Variants in PLCL1 observed in about 807,000 individuals in gnomAD.
PLCL1 encodes inactive phospholipase C-like protein 1.
Under a neutral mutation model 84.4 loss-of-function variants are expected in PLCL1, and 41 were observed. The observed-to-expected ratio is 0.49, with a 90% CI of 0.38 to 0.63. PLCL1 has a LOEUF of 0.63. PLCL1 is among the 30% of genes least tolerant of loss of function. PLCL1 has a pLI of 0.00. For missense variants in PLCL1, 1,206 were observed against 1,367.8 expected (o/e 0.88, Z 1.87); for synonymous variants, 490 against 488.3 (o/e 1.00, Z -0.05).
intron 1 of PLCL1, among the ~76,000 whole-genome samples, chr2:197,806,612 A>T (rs1690490662): frequency 1.3e-5 from 2 of 152,236 alleles, no homozygotes; most frequent in Non-Finnish European, 2.9e-5. Flanking sequence ...CTTTTTGATT[A>T]TGTAACAGGA....
At chr2:198,015,696 A>G (rs1690979778) in intron 1 of PLCL1, among the ~76,000 whole-genome samples, 1 of 152,176 alleles carries the variant, frequency 6.6e-6, no homozygotes, top group Non-Finnish European at 1.5e-5. Flanking sequence ...ATGGATAAAA[A>G]TATACTTACA....
chr2:197,926,253 T>G (rs979914255), intron 1 of PLCL1, among the ~76,000 whole-genome samples: 2 of 152,140 alleles, frequency 1.3e-5, no homozygotes, highest in African/African-American at 4.8e-5. Flanking sequence ...GATTTTGTAG[T>G]AGAGACTCAG....
chr2:197,916,573 T>TATC (rs1260202042), intron 1 of PLCL1, among the ~76,000 whole-genome samples: 4 of 151,900 alleles, frequency 2.6e-5, no homozygotes, highest in South Asian at 4.2e-4. Flanking sequence ...ACTCAATATA[T>TATC]ATCATCATCA....
chr2:197,862,555 G>T (rs1009996478), intron 1 of PLCL1, among the ~76,000 whole-genome samples: 1 of 152,102 alleles, frequency 6.6e-6, no homozygotes, highest in Non-Finnish European at 1.5e-5. Context: ...GGCCTGAGGA[G>T]GTAATGAAGA....
In PLCL1 at chr2:198,044,802, T is replaced by G. The variant is rs569046257; in HGVS notation, c.241-38956T>G. On this transcript the variant is annotated intron_variant, in intron 1 of 5. Coordinates refer to ENST00000428675, the MANE Select transcript of PLCL1 (RefSeq NM_006226.4). ...TTTGGGTGAGGGGAGGGGCACTTTA[T>G]TTTTTAAACTGAATCATATTAAACA... Among the ~76,000 whole-genome samples the G allele has an allele frequency of 1.1e-3, 163 of 152,310 alleles. 1 individual carries two copies. The highest frequency in any genetic ancestry group is 3.8e-3 in the African/African-American group (160 of 41,576).
At chr2:197,880,842 C>A (rs919173012) in intron 1 of PLCL1, among the ~76,000 whole-genome samples, 7 of 152,156 alleles carry the variant, frequency 4.6e-5, no homozygotes, top group African/African-American at 1.7e-4. Context: ...TTTTTGTCTT[C>A]TTTTAGGCAG....
In PLCL1 at chr2:197,968,697, A is replaced by G. The variant is rs148202462; in HGVS notation, c.241-115061A>G. Among the ~76,000 whole-genome samples the G allele has an allele frequency of 1.3e-3, 192 of 152,314 alleles. 2 individuals carry two copies. Among genetic ancestry groups the G allele is most frequent in the African/African-American group, 4.3e-3 (178 of 41,582 alleles). The stretch of plus-strand genomic sequence containing the variant: ...CAAAGCAGTCTCTCAATACCAGTAC[A>G]GGATGCTGATTAGGAAATTAAAATT... On this transcript the variant is annotated intron_variant, in intron 1 of 5. Coordinates refer to ENST00000428675, the MANE Select transcript of PLCL1 (RefSeq NM_006226.4).
At chr2:197,941,938 A>C (rs530494145) in intron 1 of PLCL1, among the ~76,000 whole-genome samples, 4 of 151,658 alleles carry the variant, frequency 2.6e-5, no homozygotes, top group Non-Finnish European at 5.9e-5. Flanking sequence ...TCCTCGACCT[A>C]CTGAATCAGA....
rs562719380 is a variant in PLCL1 at position 198,031,929 on chromosome 2, T to C, written c.241-51829T>C. ...AAATAATTTGAGAGCACAAATCTTA[T>C]AGCATTGTCATGTAAGATGGGTACA... is the stretch of plus-strand genomic sequence containing the variant. On this transcript the variant is annotated intron_variant, in intron 1 of 5. Coordinates refer to ENST00000428675, the MANE Select transcript of PLCL1 (RefSeq NM_006226.4). Among the ~76,000 whole-genome samples, 45 of 152,264 alleles carry C rather than the reference T, an allele frequency of 3.0e-4. 1 individual carries two copies. In the South Asian group the frequency reaches 8.9e-3, roughly 30 times the overall value.
intron 1 of PLCL1, among the ~76,000 whole-genome samples, chr2:198,019,129 G>A (rs1285385782): frequency 6.6e-6 from 1 of 152,166 alleles, no homozygotes; most frequent in African/African-American, 2.4e-5. Context: ...CAGCAGACCT[G>A]CAGCAAAGGG....
At chr2:198,124,446 A>G (rs1693941584) in intron 5 of PLCL1, among the ~76,000 whole-genome samples, 1 of 152,146 alleles carries the variant, frequency 6.6e-6, no homozygotes, top group South Asian at 2.1e-4. Context: ...GGGGCAATGA[A>G]CTAGTTATAA....
chr2:197,940,413 G>A (rs543351922), intron 1 of PLCL1, among the ~76,000 whole-genome samples: 11 of 152,278 alleles, frequency 7.2e-5, no homozygotes, highest in African/African-American at 2.6e-4. Context: ...AAGAAATGAT[G>A]TTTTTCAGCT....
chr2:197,812,318 G>A (rs1168799963), intron 1 of PLCL1, among the ~76,000 whole-genome samples: 1 of 152,172 alleles, frequency 6.6e-6, no homozygotes, highest in African/African-American at 2.4e-5. Flanking sequence ...ATACCCAGTT[G>A]TGGGATTGGT....
chr2:197,898,790 A>G (rs952190445), intron 1 of PLCL1, among the ~76,000 whole-genome samples: 3 of 117,778 alleles, frequency 2.5e-5, no homozygotes, highest in African/African-American at 1.1e-4. Context: ...ATGCTTGCAA[A>G]TTGGTCATAC....
At chr2:197,958,386 A>C (rs939377197) in intron 1 of PLCL1, among the ~76,000 whole-genome samples, 21 of 152,030 alleles carry the variant, frequency 1.4e-4, no homozygotes, top group African/African-American at 2.2e-4. Context: ...GCAAAAAAAA[A>C]CTCATCATAT....
At chr2:197,851,217 T>G (rs1361315398) in intron 1 of PLCL1, among the ~76,000 whole-genome samples, 1 of 152,236 alleles carries the variant, frequency 6.6e-6, no homozygotes, top group African/African-American at 2.4e-5. Context: ...GCGGAAAAAC[T>G]TTTTTCCTCC....
chr2:198,068,032 T>G (rs1183549489), intron 1 of PLCL1, among the ~76,000 whole-genome samples: 1 of 152,206 alleles, frequency 6.6e-6, no homozygotes, highest in Non-Finnish European at 1.5e-5. Flanking sequence ...ATGGATTGCC[T>G]TTCTCATTTT....
At chr2:198,137,509 C>A (rs1040496212) in intron 5 of PLCL1, among the ~76,000 whole-genome samples, 1 of 152,106 alleles carries the variant, frequency 6.6e-6, no homozygotes, top group Non-Finnish European at 1.5e-5. Context: ...TGGTGCTGTG[C>A]CATAAAGGCG....
chr2:197,866,984 T>C (rs1180833164), intron 1 of PLCL1, among the ~76,000 whole-genome samples: 4 of 152,194 alleles, frequency 2.6e-5, no homozygotes, highest in African/African-American at 7.2e-5. Flanking sequence ...GTAGGATCAA[T>C]GACGCACACT....
Sources: allele counts gnomAD v4.1 joint callset (sites outside exome capture counted in the v4.1 genomes callset), GRCh38; gene constraint gnomAD v4.1.1; transcripts MANE v1.5; gene names NCBI Gene and HGNC (gene_info 2026-07-23, HGNC 2026-07-21).